Variants in PHLPP1 observed in about 807,000 individuals in gnomAD.
PHLPP1 encodes PH domain and leucine rich repeat protein phosphatase 1, also known as PH domain leucine-rich repeat-containing protein phosphatase 1.
In PHLPP1, 42 loss-of-function variants were observed where a neutral mutation model predicts 117.2. The ratio of observed to expected loss-of-function variants is 0.36; its 90% CI spans 0.28 to 0.46. PHLPP1 has a LOEUF of 0.46. Ranked by LOEUF, PHLPP1 falls within the 20% of genes least tolerant of loss-of-function variation. The pLI, the probability that PHLPP1 is intolerant of heterozygous loss-of-function variation, is 1.00. For synonymous variants in PHLPP1, 1,042 were observed against 970.7 expected (o/e 1.07, Z -1.37); for missense variants, 2,084 against 2,241.9 (o/e 0.93, Z 1.42).
At chr18:62,935,798 G>A (rs1909951402) in intron 10 of PHLPP1, among the ~76,000 whole-genome samples, 1 of 152,160 alleles carries the variant, frequency 6.6e-6, no homozygotes, top group South Asian at 2.1e-4. Flanking sequence ...GAGGTCAGGA[G>A]TTCGAGACCA....
At position 62,766,076 on chromosome 18, in the gene PHLPP1, A is replaced by AATATATAT. The variant is rs60058262; in HGVS notation, c.1576+48837_1576+48844dup. On this transcript the variant is annotated intron_variant, in intron 1 of 16. Coordinates refer to ENST00000262719, the MANE Select transcript of PHLPP1 (RefSeq NM_194449.4). ...ACTCCATCTCAAAAAAAAAAAAAAA[A>AATATATAT]ATATATATATATATATATATATATA... 1.8e-3 allele frequency among the ~76,000 whole-genome samples: 40 copies of AATATATAT among 21,642 alleles called. 1 individual carries two copies. Among genetic ancestry groups the AATATATAT allele is most frequent in the African/African-American group, 3.1e-3 (21 of 6,706 alleles). 14.2% of individuals were successfully genotyped at this position (21,642 alleles called of 152,430 possible).
intron 4 of PHLPP1, among the ~76,000 whole-genome samples, chr18:62,891,777 C>CAGCT (rs1916416283): frequency 6.7e-6 from 1 of 148,570 alleles, no homozygotes; most frequent in Admixed American, 6.7e-5. Flanking sequence ...CCTGTAGTCC[C>CAGCT]AGCTACTCAG....
At chr18:62,757,521 C>T (rs1258603340) in intron 1 of PHLPP1, among the ~76,000 whole-genome samples, 1 of 152,214 alleles carries the variant, frequency 6.6e-6, no homozygotes, top group African/African-American at 2.4e-5. Context: ...ATTTTAACTT[C>T]TGAAAAGTTT....
At chr18:62,772,830 CAAAA>C (rs59776161) in intron 1 of PHLPP1, among the ~76,000 whole-genome samples, 5 of 61,064 alleles carry the variant, frequency 8.2e-5, no homozygotes, top group African/African-American at 2.9e-4. Context: ...GACTCTTTCT[CAAAA>C]AAAAAAAAAA....
chr18:62,895,134 G>A lies in PHLPP1; in HGVS notation c.2190G>A (p.Pro730=), dbSNP rs1394939417. 5.6e-6 allele frequency: 9 copies of A among 1,613,660 alleles called. No individual in the cohort carries two copies. The East Asian group carries it at 6.7e-5, about 12-fold the overall frequency. Residue 730 remains proline, a synonymous_variant, in exon 5 of 17, where the codon CCG becomes CCA. Transcript: ENST00000262719. Reference sequence around the variant, plus strand: ...CCTGCAATGCCCTGCGATCAGTCCCGGCAGCCGTTGGAGTGATGCACAAGT... The same window carrying A: ...CCTGCAATGCCCTGCGATCAGTCCCAGCAGCCGTTGGAGTGATGCACAAGT... The part of the protein sequence containing the change: ...NVSCNALRSV[P]AAVGVMHNLQ...
At chr18:62,891,905 A>T (rs1916424159) in intron 4 of PHLPP1, among the ~76,000 whole-genome samples, 1 of 150,278 alleles carries the variant, frequency 6.7e-6, no homozygotes, top group African/African-American at 2.4e-5. Flanking sequence ...AAAAAAAAAA[A>T]AAAAAAAAGA....
intron 15 of PHLPP1, among the ~76,000 whole-genome samples, chr18:62,973,326 G>A (rs1394283298): frequency 6.6e-6 from 1 of 152,206 alleles, no homozygotes; most frequent in Non-Finnish European, 1.5e-5. Flanking sequence ...AATATTGTTT[G>A]TAACTCTTAG....
chr18:62,767,168 A>C (rs915824762), intron 1 of PHLPP1, among the ~76,000 whole-genome samples: 6 of 152,214 alleles, frequency 3.9e-5, no homozygotes, highest in African/African-American at 1.4e-4. Flanking sequence ...ATGATATCTC[A>C]GTATATGGAA....
At chr18:62,923,770 G>A (rs1909544260) in intron 10 of PHLPP1, among the ~76,000 whole-genome samples, 1 of 152,124 alleles carries the variant, frequency 6.6e-6, no homozygotes, top group Non-Finnish European at 1.5e-5. Context: ...TGATGAGTTT[G>A]AGGGGGAAAT....
intron 1 of PHLPP1, among the ~76,000 whole-genome samples, chr18:62,722,792 G>A (rs1353424861): frequency 6.6e-6 from 1 of 152,228 alleles, no homozygotes; most frequent in East Asian, 1.9e-4. Flanking sequence ...CAAGTACTTA[G>A]GAAGAATAGA....
intron 1 of PHLPP1, among the ~76,000 whole-genome samples, chr18:62,734,935 C>T (rs1911328580): frequency 6.6e-6 from 1 of 152,072 alleles, no homozygotes; most frequent in Non-Finnish European, 1.5e-5. Flanking sequence ...TGATCCCTTG[C>T]TTTGTAACCA....
At chr18:62,719,822 T>C (rs960532683) in intron 1 of PHLPP1, among the ~76,000 whole-genome samples, 1 of 152,190 alleles carries the variant, frequency 6.6e-6, no homozygotes, top group Non-Finnish European at 1.5e-5. Context: ...GGGTCTGCTC[T>C]CTTGAAGATC....
chr18:62,880,229 C>A (rs1238254272), intron 4 of PHLPP1, among the ~76,000 whole-genome samples: 1 of 151,624 alleles, frequency 6.6e-6, no homozygotes, highest in Non-Finnish European at 1.5e-5. Context: ...CCCCATTTAG[C>A]TGTGAGATAT....
intron 9 of PHLPP1, among the ~76,000 whole-genome samples, chr18:62,919,720 C>T (rs1374957288): frequency 2.0e-5 from 3 of 152,200 alleles, no homozygotes; most frequent in Admixed American, 6.5e-5. Flanking sequence ...TCAGTGCGTA[C>T]ATCTATAGAA....
rs1288500552 is a variant in PHLPP1 at position 62,716,799 on chromosome 18, CTCG to C, written c.1126_1128del (p.Ser376del). 4.6e-6 allele frequency: 7 copies of C among 1,526,800 alleles called. No homozygotes were observed. In the Admixed American group the frequency reaches 6.0e-5, roughly 13 times the overall value. The allele number at this position is 1,526,800 out of a possible 1,614,324, so 94.6% of individuals were successfully genotyped here. On this transcript the variant is annotated inframe_deletion, in exon 1 of 17. Coordinates refer to ENST00000262719, the MANE Select transcript of PHLPP1 (RefSeq NM_194449.4). This position sits in a 1 kb window ranked among gnomAD's most constrained non-coding sequence, Gnocchi z 5.7. ...ACCCCTACAGCAGCGGCGGCGGCTC[CTCG>C]TCGTCGTCGGAAGAGCTCGAGGCCG...
intron 4 of PHLPP1, among the ~76,000 whole-genome samples, chr18:62,867,363 C>T (rs1448307542): frequency 1.3e-5 from 2 of 152,188 alleles, no homozygotes; most frequent in Admixed American, 6.5e-5. Flanking sequence ...CCCCACACCA[C>T]ATGTACTAAC....
intron 1 of PHLPP1, among the ~76,000 whole-genome samples, chr18:62,725,650 GAGAA>G (rs1022849523): frequency 1.3e-5 from 2 of 152,096 alleles, no homozygotes; most frequent in Non-Finnish European, 2.9e-5. Flanking sequence ...GAGAGAGAGA[GAGAA>G]AGAAATATCC....
chr18:62,915,587 G>C (rs1909245106), intron 9 of PHLPP1, among the ~76,000 whole-genome samples: 1 of 152,092 alleles, frequency 6.6e-6, no homozygotes, highest in African/African-American at 2.4e-5. Flanking sequence ...TTGCAAAACA[G>C]CCACGCGATG....
chr18:62,849,492 C>G (rs1425750929), intron 3 of PHLPP1, among the ~76,000 whole-genome samples: 1 of 151,610 alleles, frequency 6.6e-6, no homozygotes, highest in Non-Finnish European at 1.5e-5. Flanking sequence ...GAAACCCCAT[C>G]TCTACTAAAA....
Sources: allele counts gnomAD v4.1 joint callset (sites outside exome capture counted in the v4.1 genomes callset), GRCh38; gene constraint gnomAD v4.1.1; non-coding constraint Gnocchi (gnomAD v3.1); transcripts MANE v1.5; gene names NCBI Gene and HGNC (gene_info 2026-07-23, HGNC 2026-07-21).